Variants in ANXA6 observed in about 807,000 individuals in gnomAD.
The protein encoded by ANXA6 is 67 kDa calelectrin.
ANXA6 carries 71 observed loss-of-function variants against 95.4 expected under a neutral mutation model. The ratio of observed to expected loss-of-function variants is 0.74; its 90% CI spans 0.61 to 0.91. The LOEUF (loss-of-function observed/expected upper bound fraction) is 0.91, where lower values mean the gene tolerates loss of function less well. ANXA6 is among the 40% of genes least tolerant of loss of function. ANXA6 has a pLI of 0.00. For missense variants in ANXA6, 830 were observed against 876.4 expected (o/e 0.95, Z 0.67); for synonymous variants, 289 against 315.9 (o/e 0.91, Z 0.90).
rs200314975 is a variant in ANXA6 at position 151,123,004 on chromosome 5, G to A, written c.1146C>T (p.Asp382=). The A allele has an allele frequency of 2.8e-4, 459 of 1,613,432 alleles. 1 individual carries two copies. In the South Asian group the frequency reaches 4.1e-3, roughly 14 times the overall value. The change falls in exon 16 of 26, where the codon GAC becomes GAT. Residue 382 remains aspartate (D), a synonymous_variant. Coordinates refer to ENST00000354546, the MANE Select transcript of ANXA6 (RefSeq NM_001155.5). ...LRKAMKGLGT[D]EDTIIDIITH... ...TGATGATATCGATGATTGTGTCTTC[G>A]TCAGTCCCTGAGTCACCAAAGCCAC... is the stretch of plus-strand genomic sequence containing the variant.
At chr5:151,137,166 C>T (rs1765686478) in intron 6 of ANXA6, 65 bp downstream of exon 6, 2 of 1,364,840 alleles carry the variant, frequency 1.5e-6, no homozygotes, top group Admixed American at 1.8e-5. Flanking sequence ...CTTAGTGTCC[C>T]CACTGTTGCA....
chr5:151,144,989 C>T (rs1346981464), intron 2 of ANXA6, among the ~76,000 whole-genome samples: 3 of 152,194 alleles, frequency 2.0e-5, no homozygotes, highest in Admixed American at 6.5e-5. Flanking sequence ...CATCTCTAAG[C>T]GCCACCTGTG....
intron 23 of ANXA6, among the ~76,000 whole-genome samples, chr5:151,106,619 C>T (rs556807459): frequency 5.7e-4 from 86 of 152,170 alleles, no homozygotes; most frequent in Non-Finnish European, 1.0e-3. Flanking sequence ...TGGATAGATG[C>T]ATTTCCTATC....
intron 23 of ANXA6, 58 bp from the exon 24 acceptor site, chr5:151,105,361 C>G: frequency 6.6e-7 from 1 of 1,511,176 alleles, no homozygotes; most frequent in Non-Finnish European, 9.2e-7. Context: ...AACCCAGACT[C>G]TGGACCGGCC....
At chr5:151,120,770 A>C (rs1226738942) in intron 17 of ANXA6, among the ~76,000 whole-genome samples, 1 of 151,980 alleles carries the variant, frequency 6.6e-6, no homozygotes, top group Non-Finnish European at 1.5e-5. Context: ...GTCCTCAAAG[A>C]GGTTACTGCC....
chr5:151,128,946 C>CAAAAAAAA (rs372400204), intron 12 of ANXA6, among the ~76,000 whole-genome samples: 2 of 127,790 alleles, frequency 1.6e-5, no homozygotes, highest in Non-Finnish European at 1.7e-5. Context: ...TTCAGTCATC[C>CAAAAAAAA]AAAAAAAAAA....
rs116247579 is a variant in ANXA6 at position 151,119,016 on chromosome 5, T to C, written c.1438+284A>G. On this transcript the variant is annotated intron_variant, in intron 18 of 25. Transcript: ENST00000354546. The stretch of plus-strand genomic sequence containing the variant: ...GGCTGTGGGGCCCTGTAGAACTGCA[T>C]GGACTACACACCCCTAGAGTCGCCC... Among the ~76,000 whole-genome samples, 1,354 of 152,328 alleles carry C rather than the reference T, an allele frequency of 8.9e-3. 19 individuals carry two copies. Among genetic ancestry groups the C allele is most frequent in the African/African-American group, 0.031 (1,305 of 41,576 alleles).
chr5:151,137,313 G>A lies in ANXA6; in HGVS notation c.327C>T (p.Gly109=). 1.2e-6 allele frequency: 2 copies of A among 1,612,766 alleles called. No individual in the cohort carries two copies. Among genetic ancestry groups the A allele is most frequent in the Non-Finnish European group, 1.7e-6 (2 of 1,179,444 alleles). Residue 109 remains glycine (G), a synonymous_variant, in exon 6 of 26, where the codon GGC becomes GGT. Transcript: ENST00000354546. Reference sequence around the variant, plus strand: ...TCTCAATGAGGCACTTCTCATCAGTGCCAATGCCCTGGGGGTAGAAAAAGA... The same window carrying A: ...TCTCAATGAGGCACTTCTCATCAGTACCAATGCCCTGGGGGTAGAAAAAGA... ...KEIKDAISGI[G]TDEKCLIEIL...
chr5:151,101,648 C>T (rs1166076493), intron 25 of ANXA6, 141 bp from the exon 26 acceptor site: 6 of 744,896 alleles, frequency 8.1e-6, no homozygotes, highest in Non-Finnish European at 1.4e-5. Context: ...ATGTAGGCTA[C>T]TGGGATCTCC....
intron 20 of ANXA6, among the ~76,000 whole-genome samples, chr5:151,111,945 G>T (rs1443003402): frequency 6.6e-6 from 1 of 151,808 alleles, no homozygotes; most frequent in African/African-American, 2.4e-5. Flanking sequence ...CATGCCACCA[G>T]CCCAGTTAAT....
intron 12 of ANXA6, 191 bp from the exon 13 acceptor site, chr5:151,128,430 T>G: frequency 1.7e-6 from 1 of 574,806 alleles, no homozygotes; most frequent in Non-Finnish European, 3.1e-6. Context: ...AAGCCCTAAT[T>G]TATAGCATTT....
At position 151,110,863 on chromosome 5, in the gene ANXA6, C is replaced by T. The variant is rs561527636; in HGVS notation, c.1573-219G>A. 1.6e-3 allele frequency among the ~76,000 whole-genome samples: 236 copies of T among 152,174 alleles called. 1 individual carries two copies. Among genetic ancestry groups the T allele is most frequent in the African/African-American group, 4.4e-3 (184 of 41,502 alleles). ...ACCTTTTGGGCTGGAGCTCAGAATG[C>T]GGATAGGCCTGGCAATAACTAAAAA... On this transcript the variant is annotated intron_variant, in intron 20 of 25. Transcript: ENST00000354546.
At chr5:151,121,340 G>A (rs1306790074) in intron 17 of ANXA6, among the ~76,000 whole-genome samples, 2 of 152,146 alleles carry the variant, frequency 1.3e-5, no homozygotes, top group African/African-American at 4.8e-5. Context: ...GGCTTGAGGA[G>A]GCAACTAATT....
chr5:151,110,551 AC>A, intron 21 of ANXA6, 75 bp downstream of exon 21: 1 of 1,522,180 alleles, frequency 6.6e-7, no homozygotes, highest in Non-Finnish European at 9.1e-7. Context: ...ACTGCTCGAT[AC>A]TGCCCCGCTC....
chr5:151,131,337 G>T, intron 10 of ANXA6, 48 bp from the exon 11 acceptor site: 2 of 1,592,774 alleles, frequency 1.3e-6, no homozygotes, highest in Non-Finnish European at 1.7e-6. Flanking sequence ...GCCTCAGAAG[G>T]GGGATGGGAT....
chr5:151,143,323 C>T (rs985995203), intron 2 of ANXA6, among the ~76,000 whole-genome samples: 5 of 152,124 alleles, frequency 3.3e-5, no homozygotes, highest in African/African-American at 1.2e-4. Flanking sequence ...CTGCCCCTCT[C>T]CTTGAATACT....
intron 14 of ANXA6, among the ~76,000 whole-genome samples, chr5:151,125,341 C>CAA (rs34691391): frequency 0.28 from 33,217 of 117,552 alleles, 4,678 homozygotes; most frequent in Middle Eastern, 0.35. Context: ...GACCCTGTCT[C>CAA]AAAAAAAAAA....
In ANXA6 at chr5:151,100,845, A is replaced by G. The variant is rs1309250879; in HGVS notation, c.*603T>C. ...TTTTTGTCCAACTGTCTCATTGTAG[A>G]TAAGAAAATAGAGACTCAGGGAGGG... is the stretch of plus-strand genomic sequence containing the variant. On this transcript the variant is annotated 3_prime_UTR_variant, in exon 26 of 26. Coordinates refer to ENST00000354546, the MANE Select transcript of ANXA6 (RefSeq NM_001155.5). The G allele has an allele frequency of 2.2e-6, 1 of 454,210 alleles. No individual in the cohort carries two copies. Among genetic ancestry groups the G allele is most frequent in the Non-Finnish European group, 4.4e-6 (1 of 226,502 alleles). The allele number at this position is 454,210 out of a possible 1,614,324, so 28.1% of individuals were successfully genotyped here. A position where few individuals can be genotyped will look rare whatever the true frequency, so the allele number is the denominator to read the frequency against.
At chr5:151,110,729 G>T (rs1206012500) in intron 20 of ANXA6, 85 bp from the exon 21 acceptor site, 2 of 1,499,386 alleles carry the variant, frequency 1.3e-6, no homozygotes, top group Admixed American at 1.7e-5. Flanking sequence ...GGGCCCTGGG[G>T]TGCAGGGTGA....
Sources: allele counts gnomAD v4.1 joint callset (sites outside exome capture counted in the v4.1 genomes callset), GRCh38; gene constraint gnomAD v4.1.1; transcripts MANE v1.5; gene names NCBI Gene and HGNC (gene_info 2026-07-23, HGNC 2026-07-21).